The following PTPRD variants were observed in gnomAD, a reference collection of about 807,000 sequenced individuals.
PTPRD encodes the protein protein tyrosine phosphatase receptor type D.
PTPRD carries 34 observed loss-of-function variants against 214.5 expected under a neutral mutation model. The observed-to-expected ratio is 0.16, with a 90% CI of 0.12 to 0.21. PTPRD has a LOEUF of 0.21. Ranked by LOEUF, PTPRD falls within the 10% of genes least tolerant of loss-of-function variation. The pLI is 1.00. For synonymous variants in PTPRD, 1,128 were observed against 845.7 expected, an observed-to-expected ratio of 1.33 and a Z score of -5.79; for missense variants, 2,545 against 2,398.7, an observed-to-expected ratio of 1.06 and a Z score of -1.27.
At chr9:8,557,146 G>C (rs1350064923) in intron 14 of PTPRD, among the ~76,000 whole-genome samples, 2 of 152,040 alleles carry the variant, frequency 1.3e-5, no homozygotes, top group Non-Finnish European at 2.9e-5. Flanking sequence ...GATGCAGTTT[G>C]CTTCTGTTAG....
rs5896325 is a variant in PTPRD at position 9,413,100 on chromosome 9, CT to C, written c.-236-15619del. On this transcript the variant is annotated intron_variant, in intron 8 of 45. Coordinates refer to ENST00000381196, the MANE Select transcript of PTPRD (RefSeq NM_002839.4). ...CAAGTTATAAAATATCTTGCAGCTT[CT>C]TTTTTTTTTTTTTTTTTTTTTTTTG... Among the ~76,000 whole-genome samples, 546 of 62,988 alleles carry C rather than the reference CT, an allele frequency of 8.7e-3. 1 individual carries two copies. The highest frequency in any genetic ancestry group is 0.021 in the African/African-American group (310 of 14,584). 41.3% of individuals were successfully genotyped at this position (62,988 alleles called of 152,430 possible). A position where few individuals can be genotyped will look rare whatever the true frequency, so the allele number is the denominator to read the frequency against.
intron 8 of PTPRD, among the ~76,000 whole-genome samples, chr9:9,569,813 T>A (rs1591821391): frequency 6.6e-6 from 1 of 151,508 alleles, no homozygotes; most frequent in East Asian, 1.9e-4. Context: ...CCTAGGGGAT[T>A]CACAGATGGA....
chr9:10,352,373 G>A (rs1284242373), intron 2 of PTPRD, among the ~76,000 whole-genome samples: 1 of 151,912 alleles, frequency 6.6e-6, no homozygotes, highest in South Asian at 2.1e-4. Flanking sequence ...ATACTCGATT[G>A]AATGTTTTGA....
Position 10,142,425 on chromosome 9 carries a change from C to T in PTPRD, c.-544-108635G>A, listed in dbSNP as rs990597107. 3.4e-4 allele frequency among the ~76,000 whole-genome samples: 51 copies of T among 151,902 alleles called. No individual in the cohort carries two copies. In the East Asian group the frequency reaches 7.4e-3, roughly 22 times the overall value. ...TCTACAATGAACTCAAACAAATTTACGAGAAAAAAACAAACAACTCCATCA... is the reference window on the plus strand; with the variant it reads ...TCTACAATGAACTCAAACAAATTTATGAGAAAAAAACAAACAACTCCATCA... On this transcript the variant is annotated intron_variant, in intron 3 of 45. Coordinates refer to ENST00000381196, the MANE Select transcript of PTPRD (RefSeq NM_002839.4).
chr9:9,619,596 A>C (rs2095112956), intron 7 of PTPRD, among the ~76,000 whole-genome samples: 1 of 145,936 alleles, frequency 6.9e-6, no homozygotes, highest in Non-Finnish European at 1.5e-5. Context: ...TATGTTAGAG[A>C]GATAATATAC....
chr9:8,326,953 A>G (rs997852584), intron 44 of PTPRD, among the ~76,000 whole-genome samples: 17 of 145,818 alleles, frequency 1.2e-4, no homozygotes, highest in East Asian at 6.5e-4. Context: ...TGTCTTTTCT[A>G]TCTATTTTGT....
chr9:9,616,636 G>C (rs2094883737), intron 7 of PTPRD, among the ~76,000 whole-genome samples: 1 of 151,882 alleles, frequency 6.6e-6, no homozygotes, highest in Non-Finnish European at 1.5e-5. Flanking sequence ...AACTCGTTGG[G>C]GCTAAAACAC....
At chr9:8,792,366 C>T (rs2096264967) in intron 11 of PTPRD, among the ~76,000 whole-genome samples, 1 of 152,142 alleles carries the variant, frequency 6.6e-6, no homozygotes, top group African/African-American at 2.4e-5. Flanking sequence ...ATAATAAATG[C>T]AGTCACTTTC....
At chr9:8,389,675 GGT>G (rs765440129) in intron 36 of PTPRD, among the ~76,000 whole-genome samples, 1 of 152,088 alleles carries the variant, frequency 6.6e-6, no homozygotes, top group Non-Finnish European at 1.5e-5. Flanking sequence ...TTCCTTCACT[GGT>G]TGTTGGTTTT....
chr9:9,687,539 T>G (rs200051793), intron 7 of PTPRD, among the ~76,000 whole-genome samples: 1 of 74,502 alleles, frequency 1.3e-5, no homozygotes, highest in South Asian at 4.3e-4. Flanking sequence ...AATTTCATAT[T>G]GTTAAATGTA....
At chr9:10,139,695 C>T (rs1000625305) in intron 3 of PTPRD, among the ~76,000 whole-genome samples, 1 of 152,014 alleles carries the variant, frequency 6.6e-6, no homozygotes, top group Non-Finnish European at 1.5e-5. Context: ...ACCAGACACA[C>T]TGGCCAGTGG....
In PTPRD at chr9:8,751,410, A is replaced by AAAAAAAAG. The variant is rs780641099; in HGVS notation, c.-103-17465_-103-17464insCTTTTTTT. 8.9e-3 allele frequency among the ~76,000 whole-genome samples: 944 copies of AAAAAAAAG among 105,938 alleles called. 9 individuals carry two copies. The highest frequency in any genetic ancestry group is 0.027 in the African/African-American group (901 of 33,816). 69.5% of individuals were successfully genotyped at this position (105,938 alleles called of 152,430 possible). On this transcript the variant is annotated intron_variant, in intron 11 of 45. Transcript: ENST00000381196. The stretch of plus-strand genomic sequence containing the variant: ...GGCTTTCTACACTCACTTAAAAAAA[A>AAAAAAAAG]AAAAGAAAAGAAAAAAAAATATTTT...
At chr9:10,192,851 G>A (rs1187333985) in intron 3 of PTPRD, among the ~76,000 whole-genome samples, 1 of 152,064 alleles carries the variant, frequency 6.6e-6, no homozygotes, top group Non-Finnish European at 1.5e-5. Context: ...CAATAGGGAC[G>A]TGTGAGTCTA....
chr9:9,961,864 G>C (rs2094389310), intron 4 of PTPRD, among the ~76,000 whole-genome samples: 1 of 152,030 alleles, frequency 6.6e-6, no homozygotes, highest in Non-Finnish European at 1.5e-5. Context: ...ATTAGTCATG[G>C]TATTATTTCC....
intron 12 of PTPRD, among the ~76,000 whole-genome samples, chr9:8,677,308 G>C (rs1191317749): frequency 5.3e-5 from 8 of 152,132 alleles, no homozygotes; most frequent in African/African-American, 1.9e-4. Context: ...ATACACTGTG[G>C]TATATATACA....
At chr9:9,080,179 T>C (rs573422327) in intron 10 of PTPRD, among the ~76,000 whole-genome samples, 2 of 152,172 alleles carry the variant, frequency 1.3e-5, no homozygotes, top group South Asian at 2.1e-4. Context: ...ATGTTAAAAA[T>C]AGAAAGCTGA....
intron 8 of PTPRD, among the ~76,000 whole-genome samples, chr9:9,472,156 T>C (rs1026113189): frequency 4.0e-5 from 6 of 151,074 alleles, no homozygotes; most frequent in Middle Eastern, 3.4e-3. Context: ...AGTTAAATAA[T>C]ACATGAGCAT....
chr9:9,371,224 T>C (rs911438965), intron 9 of PTPRD, among the ~76,000 whole-genome samples: 2 of 152,182 alleles, frequency 1.3e-5, no homozygotes, highest in Admixed American at 6.5e-5. Context: ...AGAATTCGGC[T>C]GTGAATCCAT....
chr9:10,222,750 T>C lies in PTPRD; in HGVS notation c.-545+118213A>G, dbSNP rs146505325. Among the ~76,000 whole-genome samples the C allele has an allele frequency of 7.2e-5, 11 of 152,134 alleles. No individual in the cohort carries two copies. In the East Asian group the frequency reaches 2.1e-3, roughly 30 times the overall value. On this transcript the variant is annotated intron_variant, in intron 3 of 45. Transcript: ENST00000381196. ...ATGACTATGCAATTCCTAATGGGTA[T>C]TGTTCTTCAGTATATGAAAATAGGT... is the stretch of plus-strand genomic sequence containing the variant.
Sources: gnomAD v4.1 joint callset for allele counts (sites outside exome capture counted in the v4.1 genomes callset) on GRCh38, gnomAD v4.1.1 for gene constraint, MANE v1.5 for transcripts, NCBI Gene and HGNC (gene_info 2026-07-23, HGNC 2026-07-21) for gene names.